UBE2L3: variants seen among roughly 807,000 people sequenced by gnomAD.
UBE2L3 encodes the protein ubiquitin conjugating enzyme E2 L3, also known as ubiquitin-conjugating enzyme E2 L3.
Under a neutral mutation model 17.8 loss-of-function variants are expected in UBE2L3, and 1 was observed. The ratio of observed to expected loss-of-function variants is 0.06; its 90% CI spans 0.02 to 0.27. UBE2L3 has a LOEUF of 0.27. Ranked by LOEUF, UBE2L3 falls within the 10% of genes least tolerant of loss-of-function variation. UBE2L3 has a pLI of 1.00. For synonymous variants in UBE2L3, 44 were observed against 68.5 expected (o/e 0.64, Z 1.76); for missense variants, 40 against 192.6 (o/e 0.21, Z 4.69).
At chr22:21,594,290 T>A (rs1310974313) in intron 2 of UBE2L3, among the ~76,000 whole-genome samples, 2 of 152,162 alleles carry the variant, frequency 1.3e-5, no homozygotes, top group African/African-American at 4.8e-5. Flanking sequence ...TTCCTGATGC[T>A]GGTTATAAGG....
chr22:21,576,336 C>A (rs1024123250), intron 1 of UBE2L3, among the ~76,000 whole-genome samples: 1 of 150,464 alleles, frequency 6.6e-6, no homozygotes, highest in African/African-American at 2.4e-5. Flanking sequence ...CTTGCTCTGG[C>A]GCCCATGCTG....
chr22:21,620,292 G>T (rs1929982394), intron 3 of UBE2L3, among the ~76,000 whole-genome samples: 1 of 152,058 alleles, frequency 6.6e-6, no homozygotes, highest in Non-Finnish European at 1.5e-5. Flanking sequence ...TGGACGTGAT[G>T]GCATGTGCTT....
chr22:21,615,249 A>G (rs1244717378), intron 3 of UBE2L3, among the ~76,000 whole-genome samples: 2 of 151,606 alleles, frequency 1.3e-5, no homozygotes, highest in Non-Finnish European at 2.9e-5. Context: ...CTTATGGTAC[A>G]TAAACCTTGA....
chr22:21,560,950 T>C (rs1241711352), intron 1 of UBE2L3, among the ~76,000 whole-genome samples: 35 of 152,404 alleles, frequency 2.3e-4, no homozygotes, highest in African/African-American at 7.9e-4. Flanking sequence ...TGTTAATTTC[T>C]TCATTCACTA....
At chr22:21,608,517 G>A (rs564585723) in intron 2 of UBE2L3, among the ~76,000 whole-genome samples, 4 of 152,018 alleles carry the variant, frequency 2.6e-5, no homozygotes, top group Admixed American at 6.6e-5. Context: ...TCTGCCTCCC[G>A]GGTTTAAGCA....
intron 1 of UBE2L3, among the ~76,000 whole-genome samples, chr22:21,592,512 CAT>C (rs1222732840): frequency 6.6e-6 from 1 of 151,996 alleles, no homozygotes; most frequent in Non-Finnish European, 1.5e-5. Context: ...GCTCCTGCCA[CAT>C]GTCTGCCCTA....
At chr22:21,585,083 G>T (rs1927864177) in intron 1 of UBE2L3, among the ~76,000 whole-genome samples, 3 of 152,200 alleles carry the variant, frequency 2.0e-5, no homozygotes, top group African/African-American at 7.2e-5. Context: ...TAGGCCATAG[G>T]TTCCTGGACC....
At chr22:21,559,218 G>A (rs1926344225) in intron 1 of UBE2L3, among the ~76,000 whole-genome samples, 1 of 152,230 alleles carries the variant, frequency 6.6e-6, no homozygotes, top group African/African-American at 2.4e-5. Context: ...CGTGGTGGCA[G>A]GTGCCTGTAA....
At chr22:21,584,111 G>C (rs1927800711) in intron 1 of UBE2L3, among the ~76,000 whole-genome samples, 1 of 152,080 alleles carries the variant, frequency 6.6e-6, no homozygotes, top group African/African-American at 2.4e-5. Flanking sequence ...CCGACCTCAG[G>C]TGATCCGCCC....
At chr22:21,595,958 C>G (rs566734350) in intron 2 of UBE2L3, among the ~76,000 whole-genome samples, 1 of 152,052 alleles carries the variant, frequency 6.6e-6, no homozygotes, top group Non-Finnish European at 1.5e-5. Context: ...CTCCGCCTCC[C>G]GGGTTCAAGC....
Position 21,592,976 on chromosome 22 carries a change from A to C in UBE2L3, c.123+20A>C. On this transcript the variant is annotated intron_variant, in intron 2 of 3. Transcript: ENST00000342192. ...GTTCCTGTGAGTATTGAACACTTCC[A>C]CTTCCTACCAGATTATTCTTTAAGG... 6.3e-7 allele frequency: 1 copy of C among 1,592,434 alleles called. No individual in the cohort carries two copies. The highest frequency in any genetic ancestry group is 1.3e-5 in the African/African-American group (1 of 74,560).
Position 21,621,745 on chromosome 22 carries a change from C to G in UBE2L3, c.*76C>G. On this transcript the variant is annotated 3_prime_UTR_variant, in exon 4 of 4. Coordinates refer to ENST00000342192, the MANE Select transcript of UBE2L3 (RefSeq NM_003347.4). Reference sequence around the variant, plus strand: ...CATTCAGACACCCCGCAAAGCAGGACTCTGTGGAAATTGACACGTGCCACC... The same window carrying G: ...CATTCAGACACCCCGCAAAGCAGGAGTCTGTGGAAATTGACACGTGCCACC... The G allele has an allele frequency of 8.9e-7, 1 of 1,123,456 alleles. No homozygotes were observed. Among genetic ancestry groups the G allele is most frequent in the Non-Finnish European group, 1.3e-6 (1 of 788,882 alleles). 69.6% of individuals were successfully genotyped at this position (1,123,456 alleles called of 1,614,324 possible). A position where few individuals can be genotyped will look rare whatever the true frequency, so the allele number is the denominator to read the frequency against.
At chr22:21,613,557 C>T (rs1190644147) in intron 3 of UBE2L3, among the ~76,000 whole-genome samples, 1 of 152,208 alleles carries the variant, frequency 6.6e-6, no homozygotes. Context: ...TCCTCACATA[C>T]ATCAAGAATG....
chr22:21,588,463 C>CTTTTTTTTTTTTT (rs1255043408), intron 1 of UBE2L3, among the ~76,000 whole-genome samples: 3 of 103,336 alleles, frequency 2.9e-5, no homozygotes, highest in Non-Finnish European at 5.8e-5. Flanking sequence ...TTTCTTCTTT[C>CTTTTTTTTTTTTT]TTTTTTTTTT....
chr22:21,614,611 G>A (rs1929670247), intron 3 of UBE2L3: 1 of 1,367,266 alleles, frequency 7.3e-7, no homozygotes, highest in African/African-American at 1.5e-5. Flanking sequence ...GAAGTTCTTT[G>A]ACCTCCTCAA....
chr22:21,591,516 G>C (rs1167476881), intron 1 of UBE2L3, among the ~76,000 whole-genome samples: 2 of 152,168 alleles, frequency 1.3e-5, no homozygotes, highest in Non-Finnish European at 2.9e-5. Flanking sequence ...GCTCTGGGCC[G>C]GGCGCCCAGC....
chr22:21,621,371 TA>T (rs1720943619), intron 3 of UBE2L3, 143 bp from the exon 4 acceptor site: 2 of 1,043,714 alleles, frequency 1.9e-6, no homozygotes, highest in Non-Finnish European at 2.7e-6. Context: ...GAATTTTGGA[TA>T]AATAGGAGGC....
rs576652894 is a variant in UBE2L3 at position 21,608,248 on chromosome 22, T to C, written c.124-2609T>C. Reference sequence around the variant, plus strand: ...TTAGGCGGTTTCTTTCATTTATTTATTCATAAAATCTTTTTAACAAAGAAA... The same window carrying C: ...TTAGGCGGTTTCTTTCATTTATTTACTCATAAAATCTTTTTAACAAAGAAA... On this transcript the variant is annotated intron_variant, in intron 2 of 3. Transcript: ENST00000342192. Among the ~76,000 whole-genome samples, 3 of 152,254 alleles carry C rather than the reference T, an allele frequency of 2.0e-5. No individual in the cohort carries two copies. The East Asian group carries it at 5.8e-4, about 29-fold the overall frequency.
upstream of UBE2L3, chr22:21,567,504 T>C (rs143462358): frequency 9.0e-6 from 7 of 780,674 alleles, no homozygotes; most frequent in Non-Finnish European, 1.2e-5. Context: ...TCCTACTATG[T>C]GCCAGGCACT....
Sources: gnomAD v4.1 joint callset for allele counts (sites outside exome capture counted in the v4.1 genomes callset) on GRCh38, gnomAD v4.1.1 for gene constraint, MANE v1.5 for transcripts, NCBI Gene and HGNC (gene_info 2026-07-23, HGNC 2026-07-21) for gene names.